The following CLCNKA variants were observed in gnomAD, a reference collection of about 807,000 sequenced individuals.
The protein encoded by CLCNKA is chloride channel protein ClC-Ka.
In CLCNKA, 66 loss-of-function variants were observed where a neutral mutation model predicts 83.3. The ratio of observed to expected loss-of-function variants is 0.79; its 90% CI spans 0.65 to 0.97. CLCNKA has a LOEUF of 0.97. Ranked by LOEUF, CLCNKA falls within the 50% of genes least tolerant of loss-of-function variation. CLCNKA has a pLI of 0.00. For missense variants in CLCNKA, 806 were observed against 888.7 expected (o/e 0.91, Z 1.18); for synonymous variants, 357 against 370.4 (o/e 0.96, Z 0.42).
rs9442191 is a variant in CLCNKA, at chr1:16,030,375, G to C, written c.1409-86G>C. The C allele has an allele frequency of 2.1e-4, 328 of 1,530,332 alleles. 1 individual carries two copies. Among genetic ancestry groups the C allele is most frequent in the Non-Finnish European group, 2.6e-4 (294 of 1,112,352 alleles). The allele number at this position is 1,530,332 out of a possible 1,614,324, so 94.8% of individuals were successfully genotyped here. A position where few individuals can be genotyped will look rare whatever the true frequency, so the allele number is the denominator to read the frequency against. Reference sequence around the variant, plus strand: ...TCTTACAATTCCCACCCTAGCCCCCGGCAGCAGCCAGGCTAGTTATTCCCT... The same window carrying C: ...TCTTACAATTCCCACCCTAGCCCCCCGCAGCAGCCAGGCTAGTTATTCCCT... On this transcript the variant is annotated intron_variant, in intron 14 of 19. Coordinates refer to ENST00000331433, the MANE Select transcript of CLCNKA (RefSeq NM_004070.4).
chr1:16,026,656 G>A (rs944652877), intron 6 of CLCNKA, 41 bp from the exon 7 acceptor site: 8 of 1,613,542 alleles, frequency 5.0e-6, no homozygotes, highest in Non-Finnish European at 6.8e-6. Flanking sequence ...GGAGTGGGGA[G>A]GGAGGGGGCT....
chr1:16,029,115 C>T lies in CLCNKA; in HGVS notation c.1054-11C>T, dbSNP rs767272262. The T allele has an allele frequency of 5.0e-6, 8 of 1,610,390 alleles. No homozygotes were observed. In the African/African-American group the frequency reaches 9.4e-5, roughly 19 times the overall value. On this transcript the variant is annotated splice_polypyrimidine_tract_variant and intron_variant, in intron 11 of 19. Coordinates refer to ENST00000331433, the MANE Select transcript of CLCNKA (RefSeq NM_004070.4). ...GCCCCTCATGTCCAGTTCCCACCTG[C>T]CCCGCCACAGCTGTCCATGAAGCAG...
At chr1:16,023,667 CG>C in intron 2 of CLCNKA, 132 bp from the exon 3 acceptor site, 2 of 997,600 alleles carry the variant, frequency 2.0e-6, no homozygotes, top group Non-Finnish European at 3.1e-6. Context: ...CTGACTCAGG[CG>C]GGGCCCCCTC....
rs553034412 is a variant in CLCNKA at position 16,025,986 on chromosome 1, C to T, written c.359-122C>T. The T allele has an allele frequency of 1.6e-5, 21 of 1,307,760 alleles. No homozygotes were observed. The African/African-American group carries it at 2.6e-4, about 16-fold the overall frequency. 81.0% of individuals were successfully genotyped at this position (1,307,760 alleles called of 1,614,324 possible). A position where few individuals can be genotyped will look rare whatever the true frequency, so the allele number is the denominator to read the frequency against. On this transcript the variant is annotated intron_variant, in intron 4 of 19. Transcript: ENST00000331433. The stretch of plus-strand genomic sequence containing the variant: ...GGCAAGGCTGGTCTCGAACTCCTGA[C>T]CTCGCGATCCGCCTGCCTCGGCCTC...
chr1:16,024,843 G>A lies in CLCNKA; in HGVS notation c.310G>A (p.Val104Ile), dbSNP rs116627786. The stretch of plus-strand genomic sequence containing the variant: ...CTGGACTGTGTACCCTGTGGCCCTC[G>A]TCTCTTTCTCCTCAGGCTTCTCCCA... The part of the protein sequence containing the change: ...LSWTVYPVAL[V>I]SFSSGFSQSI... The change falls in exon 4 of 20, where the codon GTC becomes ATC. Residue 104 changes from valine to isoleucine, a missense_variant. Val to Ile is a conservative substitution (Grantham distance 29). Transcript: ENST00000331433. 6.3e-4 allele frequency: 1,013 copies of A among 1,613,968 alleles called. 1 individual carries two copies. In the African/African-American group the frequency reaches 0.011, roughly 18 times the overall value.
chr1:16,025,316 T>C (rs1208133299), intron 4 of CLCNKA, among the ~76,000 whole-genome samples: 2 of 152,230 alleles, frequency 1.3e-5, no homozygotes, highest in Non-Finnish European at 2.9e-5. Context: ...CGCATTCCTC[T>C]CTGACTCTAG....
chr1:16,028,746 A>G lies in CLCNKA; in HGVS notation c.969-15A>G. ...AAAGGGAGGGCCAGCCCTAGAGCTC[A>G]CCCACCCCCCACAGCAAGCCTGTGT... On this transcript the variant is annotated splice_polypyrimidine_tract_variant and intron_variant, in intron 10 of 19. Coordinates refer to ENST00000331433, the MANE Select transcript of CLCNKA (RefSeq NM_004070.4). The G allele has an allele frequency of 2.5e-6, 4 of 1,613,684 alleles. No homozygotes were observed. The highest frequency in any genetic ancestry group is 2.5e-6 in the Non-Finnish European group (3 of 1,179,840).
chr1:16,026,216 C>T lies in CLCNKA; in HGVS notation c.467C>T (p.Ala156Val), dbSNP rs764779316. ...GTGGTGGGCCTCTCCTGCACCCTGG[C>T]CACCGGCAGCACCCTGTTCCTGGGC... Reference protein sequence around the residue: ...AKVVGLSCTLATGSTLFLGKV... With the variant: ...AKVVGLSCTLVTGSTLFLGKV... Residue 156 changes from alanine (A) to valine (V), a missense_variant, in exon 5 of 20, where the codon GCC becomes GTC. Physicochemically the swap from Ala to Val is moderately conservative, Grantham distance 64. Coordinates refer to ENST00000331433, the MANE Select transcript of CLCNKA (RefSeq NM_004070.4). 1 of 1,613,948 alleles carries T rather than the reference C, an allele frequency of 6.2e-7. No homozygotes were observed. The highest frequency in any genetic ancestry group is 1.7e-5 in the Admixed American group (1 of 60,008).
chr1:16,024,197 G>A (rs61771057), intron 3 of CLCNKA, among the ~76,000 whole-genome samples: 2 of 152,142 alleles, frequency 1.3e-5, no homozygotes, highest in Admixed American at 6.5e-5. Context: ...CAGCCACCCC[G>A]TTCCTTCTCC....
chr1:16,028,787 C>T lies in CLCNKA; in HGVS notation c.995C>T (p.Thr332Ile). Residue 332 changes from threonine (T) to isoleucine (I), a missense_variant, in exon 11 of 20, where the codon ACC (threonine) becomes ATC (isoleucine). Coordinates refer to ENST00000331433, the MANE Select transcript of CLCNKA (RefSeq NM_004070.4). Reference protein sequence around the residue: ...TSKPVYSALATLLLASITYPP... With the variant: ...TSKPVYSALAILLLASITYPP... The stretch of plus-strand genomic sequence containing the variant: ...AAGCCTGTGTACTCCGCTCTGGCCA[C>T]CTTGCTTCTCGCCTCCATCACCTAC... The T allele has an allele frequency of 1.2e-6, 2 of 1,614,186 alleles. No homozygotes were observed. The highest frequency in any genetic ancestry group is 2.2e-5 in the East Asian group (1 of 44,890).
At chr1:16,027,988 G>C (rs1370372802) in intron 9 of CLCNKA, 30 bp from the exon 10 acceptor site, 2 of 1,613,946 alleles carry the variant, frequency 1.2e-6, no homozygotes, top group South Asian at 2.2e-5. Flanking sequence ...CTGGGGTCAG[G>C]CTCTGGTCTT....
intron 2 of CLCNKA, 100 bp from the exon 3 acceptor site, chr1:16,023,700 A>T: frequency 6.9e-7 from 1 of 1,456,884 alleles, no homozygotes; most frequent in Non-Finnish European, 9.5e-7. Context: ...AGACTCAACT[A>T]CCAGGGTCCT....
chr1:16,025,787 T>C (rs2022322943), intron 4 of CLCNKA, among the ~76,000 whole-genome samples: 1 of 152,226 alleles, frequency 6.6e-6, no homozygotes, highest in African/African-American at 2.4e-5. Context: ...GGAGTTTCAC[T>C]CTTGTTGCCC....
chr1:16,033,650 C>G lies in CLCNKA; in HGVS notation c.2056C>G (p.Pro686Ala). 2 of 1,601,064 alleles carry G rather than the reference C, an allele frequency of 1.2e-6. No homozygotes were observed. Among genetic ancestry groups the G allele is most frequent in the South Asian group, 2.2e-5 (2 of 90,676 alleles). The change falls in exon 20 of 20, where the codon CCA (proline) becomes GCA (alanine). Residue 686 changes from proline to alanine, a missense_variant. Transcript: ENST00000331433. ...TTCCAACCTGACAAATCCGCCAGCT[C>G]CAAAGTGAGCCGGCCCAGCAAGATG... ...AISNLTNPPA[P>A]K
rs778518153 is a variant in CLCNKA, at chr1:16,023,883, C to T, written c.184C>T (p.Leu62=). 1.9e-6 allele frequency: 3 copies of T among 1,614,176 alleles called. No individual in the cohort carries two copies. Among genetic ancestry groups the T allele is most frequent in the East Asian group, 2.2e-5 (1 of 44,876 alleles). Residue 62 remains leucine (L), a synonymous_variant, in exon 3 of 20, where the codon CTG becomes TTG. Transcript: ENST00000331433. ...FLMTLGVLMA[L]VSYAMNFAIG... Reference sequence around the variant, plus strand: ...GATGACCCTCGGGGTGCTCATGGCCCTGGTCAGCTATGCCATGAACTTTGC... The same window carrying T: ...GATGACCCTCGGGGTGCTCATGGCCTTGGTCAGCTATGCCATGAACTTTGC...
intron 2 of CLCNKA, 34 bp downstream of exon 2, chr1:16,022,753 G>C (rs765726787): frequency 1.5e-5 from 21 of 1,388,080 alleles, no homozygotes; most frequent in Admixed American, 2.4e-5. Flanking sequence ...ACCCGCGGGG[G>C]ACCACTCAGG....
intron 7 of CLCNKA, 59 bp from the exon 8 acceptor site, chr1:16,027,251 G>A: frequency 6.2e-7 from 1 of 1,602,994 alleles, no homozygotes; most frequent in Non-Finnish European, 8.5e-7. Flanking sequence ...GGGGGAGGGG[G>A]CCCTACAGCC....
chr1:16,028,038 G>C lies in CLCNKA; in HGVS notation c.887G>C (p.Ser296Thr). ...CGCAGTGGCATCTGCGGCGTCCTGAGCTGTGCTTACCTCTTCTGTCAGCGA... is the reference window on the plus strand; with the variant it reads ...CGCAGTGGCATCTGCGGCGTCCTGACCTGTGCTTACCTCTTCTGTCAGCGA... ...VALGGICGVL[S>T]CAYLFCQRTF... The change falls in exon 10 of 20, where the codon AGC (serine) becomes ACC (threonine). Residue 296 changes from serine (S) to threonine (T), a missense_variant. Ser to Thr is a moderately conservative substitution (Grantham distance 58). Transcript: ENST00000331433. 1 of 1,613,852 alleles carries C rather than the reference G, an allele frequency of 6.2e-7. No individual in the cohort carries two copies.
chr1:16,023,517 C>T (rs2022223032), intron 2 of CLCNKA, among the ~76,000 whole-genome samples: 1 of 152,188 alleles, frequency 6.6e-6, no homozygotes, highest in Non-Finnish European at 1.5e-5. Flanking sequence ...TCCTGCCCAG[C>T]CCCCAGTGTG....
Sources: gnomAD v4.1 joint callset for allele counts (sites outside exome capture counted in the v4.1 genomes callset) on GRCh38, gnomAD v4.1.1 for gene constraint, MANE v1.5 for transcripts, NCBI Gene and HGNC (gene_info 2026-07-23, HGNC 2026-07-21) for gene names.